The following LIPE variants were observed in gnomAD, a reference collection of about 807,000 sequenced individuals.
The protein encoded by LIPE is lipase E, hormone sensitive type, also known as hormone-sensitive lipase.
Under a neutral mutation model 88.5 loss-of-function variants are expected in LIPE, and 66 were observed. The ratio of observed to expected loss-of-function variants is 0.75; its 90% CI spans 0.61 to 0.91. The LOEUF is 0.91. LIPE is among the 40% of genes least tolerant of loss of function. The pLI is 0.00. For missense variants in LIPE, 1,346 were observed against 1,434.7 expected (o/e 0.94, Z 1.00); for synonymous variants, 570 against 617.5 (o/e 0.92, Z 1.14).
chr19:42,407,159 G>A lies in LIPE; in HGVS notation c.2137+15C>T. On this transcript the variant is annotated intron_variant, in intron 6 of 9. Coordinates refer to ENST00000244289, the MANE Select transcript of LIPE (RefSeq NM_005357.4). This position sits in a 1 kb window ranked among gnomAD's most constrained non-coding sequence, Gnocchi z 5.8. ...TGGGAGCAGGCGCAGGTGGCTGTGG[G>A]GGCCTGAGGCTCACCAAGGAGGGCG... 6.8e-7 allele frequency: 1 copy of A among 1,477,328 alleles called. No homozygotes were observed. The highest frequency in any genetic ancestry group is 9.0e-7 in the Non-Finnish European group (1 of 1,111,732). The allele number at this position is 1,477,328 out of a possible 1,614,324, so 91.5% of individuals were successfully genotyped here.
chr19:42,407,069 G>A lies in LIPE; in HGVS notation c.2137+105C>T, dbSNP rs35401050. On this transcript the variant is annotated intron_variant, in intron 6 of 9. Coordinates refer to ENST00000244289, the MANE Select transcript of LIPE (RefSeq NM_005357.4). The surrounding 1 kb of genome is among the most constrained non-coding windows in gnomAD (Gnocchi z 5.8). ...TGGGTGAGCAGGAGCTGGGAGGTGT[G>A]GGGGGAGAGAAAGGTAGAGGGTGTG... The A allele has an allele frequency of 3.9e-5, 39 of 998,514 alleles. No homozygotes were observed. The African/African-American group carries it at 4.9e-4, about 13-fold the overall frequency. The allele number at this position is 998,514 out of a possible 1,614,324, so 61.9% of individuals were successfully genotyped here.
At chr19:42,424,061 C>A in intron 1 of LIPE, 1 of 1,185,272 alleles carries the variant, frequency 8.4e-7, no homozygotes, top group Non-Finnish European at 1.1e-6. Context: ...GGCGCCAGCG[C>A]TGGAGGCGTG....
chr19:42,408,052 A>G lies in LIPE; in HGVS notation c.1580T>C (p.Phe527Ser), dbSNP rs1483737761. 1 of 1,613,638 alleles carries G rather than the reference A, an allele frequency of 6.2e-7. No homozygotes were observed. The highest frequency in any genetic ancestry group is 1.3e-5 in the African/African-American group (1 of 74,834). ...GTCCAGGTTCTGTGTGATCCGCTCA[A>G]ACTCAGCCCCACGCAGCTCGGGGTC... ...AIDPELRGAE[F>S]ERITQNLDVH... The change falls in exon 4 of 10, where the codon TTT becomes TCT. Residue 527 changes from phenylalanine to serine, a missense_variant. Phe to Ser is a radical substitution (Grantham distance 155). Coordinates refer to ENST00000244289, the MANE Select transcript of LIPE (RefSeq NM_005357.4). The surrounding 1 kb of genome is among the most constrained non-coding windows in gnomAD (Gnocchi z 4.3).
chr19:42,423,907 C>T (rs1271872132), intron 1 of LIPE: 1 of 1,150,930 alleles, frequency 8.7e-7, no homozygotes, highest in Non-Finnish European at 1.1e-6. Flanking sequence ...CTGGCTCAGT[C>T]TCGCCATCCC....
Position 42,407,849 on chromosome 19 carries a change from A to G in LIPE, c.1657-58T>C, listed in dbSNP as rs947412750. ...AGGTCTGCCTGCAGGGGTGCCCTTC[A>G]CCTCTCCCTCTGATCCCCAGTCTTT... On this transcript the variant is annotated intron_variant, in intron 4 of 9. Coordinates refer to ENST00000244289, the MANE Select transcript of LIPE (RefSeq NM_005357.4). This position sits in a 1 kb window ranked among gnomAD's most constrained non-coding sequence, Gnocchi z 5.8. 8.4e-6 allele frequency: 13 copies of G among 1,547,940 alleles called. No individual in the cohort carries two copies. Among genetic ancestry groups the G allele is most frequent in the Non-Finnish European group, 1.1e-5 (13 of 1,147,214 alleles).
chr19:42,415,540 G>A (rs2040468681), intron 1 of LIPE, among the ~76,000 whole-genome samples: 1 of 152,228 alleles, frequency 6.6e-6, no homozygotes, highest in Admixed American at 6.5e-5. Context: ...GCTGGGCATG[G>A]TGGCTCATGC....
At chr19:42,423,845 A>AC in intron 1 of LIPE, 1 of 1,106,394 alleles carries the variant, frequency 9.0e-7, no homozygotes, top group Admixed American at 4.9e-5. Flanking sequence ...CGCGGGGAGC[A>AC]CCCCAGCAGG....
intron 1 of LIPE, among the ~76,000 whole-genome samples, chr19:42,420,009 C>CTT (rs201890153): frequency 1.7e-4 from 22 of 128,696 alleles, no homozygotes; most frequent in Non-Finnish European, 3.4e-4. Flanking sequence ...GATTTCTTTT[C>CTT]TTTTTTTTTT....
At chr19:42,411,342 A>G (rs1402467282) in intron 1 of LIPE, 1 of 984,702 alleles carries the variant, frequency 1.0e-6, no homozygotes, top group Non-Finnish European at 1.2e-6. Flanking sequence ...ACCTGTCTCC[A>G]TGAATTCTCC....
chr19:42,417,875 T>C (rs931072917), intron 1 of LIPE, among the ~76,000 whole-genome samples: 3 of 151,000 alleles, frequency 2.0e-5, no homozygotes, highest in Non-Finnish European at 4.4e-5. Flanking sequence ...AATAAAAAAA[T>C]AAAAAAACAG....
chr19:42,409,400 CAAAAAA>C (rs760628566), intron 2 of LIPE, among the ~76,000 whole-genome samples: 2 of 72,924 alleles, frequency 2.7e-5, no homozygotes, highest in Non-Finnish European at 2.9e-5. Flanking sequence ...AAACAAAATA[CAAAAAA>C]AAAAAAAAAA....
rs750246404 is a variant in LIPE, at chr19:42,427,006, T to A, written c.144A>T (p.Gln48His). Residue 48 changes from glutamine (Q) to histidine (H), a missense_variant, in exon 1 of 10, where the codon CAA (glutamine) becomes CAT (histidine). Gln to His is a conservative substitution (Grantham distance 24). Transcript: ENST00000244289. ...ESKTLQGSNT[Q>H]QKPASNQRPL... ...GTCTTTGGTTTGAAGCAGGCTTCTG[T>A]TGGGTATTGGATCCCTGCAGAGTCT... 6.2e-7 allele frequency: 1 copy of A among 1,613,926 alleles called. No individual in the cohort carries two copies. Among genetic ancestry groups the A allele is most frequent in the Non-Finnish European group, 8.5e-7 (1 of 1,179,976 alleles).
Position 42,418,035 on chromosome 19 carries a change from T to C in LIPE, c.884-7193A>G, listed in dbSNP as rs1298097691. On this transcript the variant is annotated intron_variant, in intron 1 of 9. Coordinates refer to ENST00000244289, the MANE Select transcript of LIPE (RefSeq NM_005357.4). Reference sequence around the variant, plus strand: ...TTCGCTCTTGTTGCCCAGGCTGGAGTGCAATGGTGCGATCTCAGCTCACCG... The same window carrying C: ...TTCGCTCTTGTTGCCCAGGCTGGAGCGCAATGGTGCGATCTCAGCTCACCG... Among the ~76,000 whole-genome samples the C allele has an allele frequency of 3.3e-5, 5 of 150,780 alleles. No individual in the cohort carries two copies. The East Asian group carries it at 7.8e-4, about 24-fold the overall frequency.
intron 1 of LIPE, 106 bp downstream of exon 1, chr19:42,426,161 T>G: frequency 1.0e-6 from 1 of 952,424 alleles, no homozygotes; most frequent in Non-Finnish European, 1.5e-6. Context: ...TCAGGATTGT[T>G]GAAGGATGAC....
chr19:42,405,972 T>A (rs2040159818), intron 7 of LIPE, 189 bp downstream of exon 7: 1 of 563,048 alleles, frequency 1.8e-6, no homozygotes. Context: ...TCTCTCTCTC[T>A]CTCTCACACA....
intron 1 of LIPE, chr19:42,424,263 C>T (rs980236210): frequency 1.9e-5 from 10 of 528,272 alleles, no homozygotes; most frequent in Non-Finnish European, 3.4e-5. Context: ...GGCCGCGGGC[C>T]GGCCCAAGAG....
At chr19:42,403,591 G>C (rs969891481) in intron 8 of LIPE, among the ~76,000 whole-genome samples, 1 of 151,344 alleles carries the variant, frequency 6.6e-6, no homozygotes. Context: ...GGGACTATAG[G>C]CATGTGCCAC....
chr19:42,424,393 A>C (rs1183107108), intron 1 of LIPE: 1 of 456,292 alleles, frequency 2.2e-6, no homozygotes, highest in Non-Finnish European at 4.4e-6. Context: ...CACACAGCCA[A>C]CTGCTTCTGG....
At position 42,407,636 on chromosome 19, in the gene LIPE, C is replaced by A; in HGVS notation, c.1812G>T (p.Arg604Ser). 1 of 1,611,260 alleles carries A rather than the reference C, an allele frequency of 6.2e-7. No homozygotes were observed. Residue 604 changes from arginine (R) to serine (S), a missense_variant, in exon 5 of 10, where the codon AGG becomes AGT. Transcript: ENST00000244289. The surrounding 1 kb of genome is among the most constrained non-coding windows in gnomAD (Gnocchi z 5.8). ...CTTCACGCAGGTCATAGGAGATGAGCCTGACGAGGACGGGCCCAGGGCCTG... is the reference window on the plus strand; with the variant it reads ...CTTCACGCAGGTCATAGGAGATGAGACTGACGAGGACGGGCCCAGGGCCTG... ...AHTGPGPVLV[R>S]LISYDLREGQ... is the part of the protein sequence containing the mutation.
Sources: allele counts gnomAD v4.1 joint callset (sites outside exome capture counted in the v4.1 genomes callset), GRCh38; gene constraint gnomAD v4.1.1; non-coding constraint Gnocchi (gnomAD v3.1); transcripts MANE v1.5; gene names NCBI Gene and HGNC (gene_info 2026-07-23, HGNC 2026-07-21).